Variants in FAM78A observed in about 807,000 individuals in gnomAD.
The protein encoded by FAM78A is protein FAM78A.
Under a neutral mutation model 22.6 loss-of-function variants are expected in FAM78A, and 12 were observed. The observed-to-expected ratio is 0.53, with a 90% CI of 0.34 to 0.86. The LOEUF (loss-of-function observed/expected upper bound fraction) is 0.86, where lower values mean the gene tolerates loss of function less well. FAM78A is among the 40% of genes least tolerant of loss of function. The probability of loss-of-function intolerance (pLI) is 0.02; values close to 1 mark genes in which losing one functional copy is unlikely to be tolerated. For synonymous variants in FAM78A, 151 were observed against 155.8 expected (o/e 0.97, Z 0.23); for missense variants, 322 against 396.1 (o/e 0.81, Z 1.59).
At position 131,276,245 on chromosome 9, in the gene FAM78A, C is replaced by T; in HGVS notation, c.-66G>A. On this transcript the variant is annotated 5_prime_UTR_variant, in exon 1 of 2. Transcript: ENST00000372271. This position sits in a 1 kb window ranked among gnomAD's most constrained non-coding sequence, Gnocchi z 4.3. ...GCTCTCCAATCTCAACTCTCAAGACCGATATCCATAGGATAGAAAACTCAC... is the reference window on the plus strand; with the variant it reads ...GCTCTCCAATCTCAACTCTCAAGACTGATATCCATAGGATAGAAAACTCAC... 7.3e-7 allele frequency: 1 copy of T among 1,361,946 alleles called. No individual in the cohort carries two copies. Among genetic ancestry groups the T allele is most frequent in the Non-Finnish European group, 1.0e-6 (1 of 984,766 alleles). The allele number at this position is 1,361,946 out of a possible 1,614,324, so 84.4% of individuals were successfully genotyped here. A position where few individuals can be genotyped will look rare whatever the true frequency, so the allele number is the denominator to read the frequency against.
In FAM78A at chr9:131,275,891, T is replaced by C. The variant is rs1276745853; in HGVS notation, c.289A>G (p.Met97Val). 2 of 1,609,196 alleles carry C rather than the reference T, an allele frequency of 1.2e-6. No individual in the cohort carries two copies. Among genetic ancestry groups the C allele is most frequent in the Non-Finnish European group, 8.5e-7 (1 of 1,177,446 alleles). ...VVGWIQACSH[M>V]EFYNQYGEQG... is the part of the protein sequence containing the mutation. ...TCGCCGTACTGGTTGTAGAACTCCA[T>C]GTGGCTGCACGCCTGGATCCAGCCA... The change falls in exon 1 of 2, where the codon ATG becomes GTG. Residue 97 changes from methionine to valine, a missense_variant. By Grantham distance (21) the Met-to-Val change is conservative (BLOSUM62 1). Coordinates refer to ENST00000372271, the MANE Select transcript of FAM78A (RefSeq NM_033387.4). This position sits in a 1 kb window ranked among gnomAD's most constrained non-coding sequence, Gnocchi z 4.6.
intron 1 of FAM78A, among the ~76,000 whole-genome samples, chr9:131,271,887 A>T (rs1835425353): frequency 6.9e-6 from 1 of 144,904 alleles, no homozygotes; most frequent in African/African-American, 2.5e-5. Context: ...GTCTCCAACA[A>T]TTTGGATGGG....
Position 131,274,343 on chromosome 9 carries a change from G to A in FAM78A, c.323+1514C>T, listed in dbSNP as rs1385066473. Among the ~76,000 whole-genome samples, 2 of 147,678 alleles carry A rather than the reference G, an allele frequency of 1.4e-5. No individual in the cohort carries two copies. Among genetic ancestry groups the A allele is most frequent in the African/African-American group, 5.4e-5 (2 of 37,138 alleles). ...AAACTTTTGTTTCTACAACTGTCCC[G>A]ATGCCTTCAAAGCCCGAGGAGGTTT... is the stretch of plus-strand genomic sequence containing the variant. On this transcript the variant is annotated intron_variant, in intron 1 of 1. Transcript: ENST00000372271. The surrounding 1 kb of genome is among the most constrained non-coding windows in gnomAD (Gnocchi z 4.2).
intron 1 of FAM78A, among the ~76,000 whole-genome samples, chr9:131,270,037 TAAAA>T (rs1008374603): frequency 1.2e-5 from 1 of 85,630 alleles, no homozygotes; most frequent in Non-Finnish European, 2.2e-5. Context: ...CCTACTAAAA[TAAAA>T]AAAAAAAAAA....
Position 131,265,359 on chromosome 9 carries a change from G to A in FAM78A, c.324-4009C>T, listed in dbSNP as rs542873565. On this transcript the variant is annotated intron_variant, in intron 1 of 1. Coordinates refer to ENST00000372271, the MANE Select transcript of FAM78A (RefSeq NM_033387.4). This position sits in a 1 kb window ranked among gnomAD's most constrained non-coding sequence, Gnocchi z 4.3. ...CAACCTCTGCCTCCTGGGTTCAAGCGATTCTCCTGCCTCAGCTTCCCAAGT... is the reference window on the plus strand; with the variant it reads ...CAACCTCTGCCTCCTGGGTTCAAGCAATTCTCCTGCCTCAGCTTCCCAAGT... Among the ~76,000 whole-genome samples the A allele has an allele frequency of 9.9e-3, 1,501 of 152,212 alleles. 18 individuals carry two copies. Among genetic ancestry groups the A allele is most frequent in the South Asian group, 0.03 (143 of 4,820 alleles).
At position 131,261,491 on chromosome 9, in the gene FAM78A, G is replaced by C; in HGVS notation, c.324-141C>G. On this transcript the variant is annotated intron_variant, in intron 1 of 1. Coordinates refer to ENST00000372271, the MANE Select transcript of FAM78A (RefSeq NM_033387.4). This position sits in a 1 kb window ranked among gnomAD's most constrained non-coding sequence, Gnocchi z 7.1. Reference sequence around the variant, plus strand: ...ACCCGGTCCCCTTTGACGTTCTGGGGGCAGGGGGTCAGACAGTAGCTCGGA... The same window carrying C: ...ACCCGGTCCCCTTTGACGTTCTGGGCGCAGGGGGTCAGACAGTAGCTCGGA... 1.4e-6 allele frequency: 1 copy of C among 703,388 alleles called. No homozygotes were observed. Among genetic ancestry groups the C allele is most frequent in the Non-Finnish European group, 2.3e-6 (1 of 436,998 alleles). 43.6% of individuals were successfully genotyped at this position (703,388 alleles called of 1,614,324 possible).
rs1393425791 is a variant in FAM78A at position 131,258,954 on chromosome 9, C to T, written c.*1868G>A. ...ACAGCCTCCTGGCACGAGCTGGGCC[C>T]GGAGACCGACGGCAGTGGCTAAACG... On this transcript the variant is annotated 3_prime_UTR_variant, in exon 2 of 2. Transcript: ENST00000372271. The T allele has an allele frequency of 5.2e-5, 8 of 152,604 alleles. No individual in the cohort carries two copies. Among genetic ancestry groups the T allele is most frequent in the East Asian group, 1.9e-4 (1 of 5,192 alleles). 9.5% of individuals were successfully genotyped at this position (152,604 alleles called of 1,614,324 possible).
Position 131,261,576 on chromosome 9 carries a change from C to T in FAM78A, c.324-226G>A, listed in dbSNP as rs866873151. ...CCCTCAGACAGAAGAAGGTGGCCGG[C>T]CTGGCCCAAGTTGCTCTAGGGACAT... On this transcript the variant is annotated intron_variant, in intron 1 of 1. Transcript: ENST00000372271. This position sits in a 1 kb window ranked among gnomAD's most constrained non-coding sequence, Gnocchi z 7.1. Among the ~76,000 whole-genome samples, 19 of 152,280 alleles carry T rather than the reference C, an allele frequency of 1.2e-4. No homozygotes were observed. Among genetic ancestry groups the T allele is most frequent in the African/African-American group, 4.1e-4 (17 of 41,550 alleles).
chr9:131,275,830 C>G lies in FAM78A; in HGVS notation c.323+27G>C, dbSNP rs959043026. 6.4e-7 allele frequency: 1 copy of G among 1,550,978 alleles called. No homozygotes were observed. The highest frequency in any genetic ancestry group is 8.7e-7 in the Non-Finnish European group (1 of 1,146,724). On this transcript the variant is annotated intron_variant, in intron 1 of 1. Coordinates refer to ENST00000372271, the MANE Select transcript of FAM78A (RefSeq NM_033387.4). This position sits in a 1 kb window ranked among gnomAD's most constrained non-coding sequence, Gnocchi z 4.6. Reference sequence around the variant, plus strand: ...CAAGCTCGGCCATCCCTAGCAGTTCCCAGAGCTGGCTCTCGGCCGTACTCA... The same window carrying G: ...CAAGCTCGGCCATCCCTAGCAGTTCGCAGAGCTGGCTCTCGGCCGTACTCA...
At chr9:131,268,666 C>T (rs938483568) in intron 1 of FAM78A, among the ~76,000 whole-genome samples, 1 of 151,208 alleles carries the variant, frequency 6.6e-6, no homozygotes, top group East Asian at 2.0e-4. Context: ...TTCGGGAGGC[C>T]GAGGCGGGCG....
upstream of FAM78A, among the ~76,000 whole-genome samples, chr9:131,278,889 C>G (rs933422378): frequency 2.6e-5 from 4 of 152,250 alleles, no homozygotes; most frequent in Non-Finnish European, 5.9e-5. Flanking sequence ...TCCAGCCAGT[C>G]CCAGAGCCGG....
At chr9:131,269,447 TA>T (rs2131182806) in intron 1 of FAM78A, among the ~76,000 whole-genome samples, 1 of 151,920 alleles carries the variant, frequency 6.6e-6, no homozygotes, top group African/African-American at 2.4e-5. Flanking sequence ...TTTTTGCTAT[TA>T]GGAGCCGTGC....
intron 1 of FAM78A, among the ~76,000 whole-genome samples, chr9:131,262,402 G>T (rs1835284387): frequency 6.6e-6 from 1 of 151,494 alleles, no homozygotes. Context: ...CTTGAACCTG[G>T]GAGGCTGGGT....
At chr9:131,264,529 T>C in intron 1 of FAM78A, 4 of 712,364 alleles carry the variant, frequency 5.6e-6, no homozygotes. Context: ...CCACAGACAA[T>C]CCGCCAACAT....
Position 131,261,903 on chromosome 9 carries a change from C to T in FAM78A, c.324-553G>A, listed in dbSNP as rs1303393603. 6.6e-6 allele frequency among the ~76,000 whole-genome samples: 1 copy of T among 152,124 alleles called. No homozygotes were observed. The highest frequency in any genetic ancestry group is 2.4e-5 in the African/African-American group (1 of 41,412). On this transcript the variant is annotated intron_variant, in intron 1 of 1. Transcript: ENST00000372271. This position sits in a 1 kb window ranked among gnomAD's most constrained non-coding sequence, Gnocchi z 7.1. Reference sequence around the variant, plus strand: ...GCCTTCTGCTCACCTACGTGCACAGCGGGTACTCCCAGGAACAAGCTACTG... The same window carrying T: ...GCCTTCTGCTCACCTACGTGCACAGTGGGTACTCCCAGGAACAAGCTACTG...
At chr9:131,270,128 C>G (rs1835399174) in intron 1 of FAM78A, 1 of 603,508 alleles carries the variant, frequency 1.7e-6, no homozygotes, top group African/African-American at 1.8e-5. Flanking sequence ...ATCGCTTGAA[C>G]CCGGGAGGCG....
chr9:131,260,927 G>A lies in FAM78A; in HGVS notation c.747C>T (p.Ile249=). Residue 249 remains isoleucine, a synonymous_variant, in exon 2 of 2, where the codon ATC becomes ATT. Coordinates refer to ENST00000372271, the MANE Select transcript of FAM78A (RefSeq NM_033387.4). This position sits in a 1 kb window ranked among gnomAD's most constrained non-coding sequence, Gnocchi z 5.4. The part of the protein sequence containing the change: ...QPKILSKNEP[I]PPSALVKPNA... ...TGGGCTTGACCAGGGCGCTGGGCGG[G>A]ATGGGCTCATTCTTGCTCAGGATTT... 2 of 1,602,128 alleles carry A rather than the reference G, an allele frequency of 1.2e-6. No individual in the cohort carries two copies. Among genetic ancestry groups the A allele is most frequent in the East Asian group, 2.2e-5 (1 of 44,688 alleles).
upstream of FAM78A, among the ~76,000 whole-genome samples, chr9:131,280,349 CACAGA>C (rs1205014983): frequency 3.0e-4 from 45 of 152,236 alleles, 1 homozygote; most frequent in Admixed American, 2.9e-3. Flanking sequence ...GGGTGTTGGG[CACAGA>C]CCCACGGCAG....
intron 1 of FAM78A, among the ~76,000 whole-genome samples, chr9:131,271,750 G>T (rs561319333): frequency 7.9e-5 from 12 of 152,380 alleles, no homozygotes; most frequent in Non-Finnish European, 1.5e-4. Context: ...CCAGAGAAGG[G>T]CAAACCAGGG....
Sources: allele counts gnomAD v4.1 joint callset (sites outside exome capture counted in the v4.1 genomes callset), GRCh38; gene constraint gnomAD v4.1.1; non-coding constraint Gnocchi (gnomAD v3.1); transcripts MANE v1.5; gene names NCBI Gene and HGNC (gene_info 2026-07-23, HGNC 2026-07-21).